LIPG: variants seen among roughly 807,000 people sequenced by gnomAD.
The protein encoded by LIPG is endothelial lipase.
In LIPG, 34 loss-of-function variants were observed where a neutral mutation model predicts 51.8. The ratio of observed to expected loss-of-function variants is 0.66; its 90% CI spans 0.50 to 0.87. The LOEUF (loss-of-function observed/expected upper bound fraction) is 0.87, where lower values mean the gene tolerates loss of function less well. LIPG is among the 40% of genes least tolerant of loss of function. The pLI is 0.00. For missense variants in LIPG, 580 were observed against 652.7 expected, an observed-to-expected ratio of 0.89 and a Z score of 1.21; for synonymous variants, 246 against 246.1, an observed-to-expected ratio of 1.00 and a Z score of 0.00.
At chr18:49,581,319 C>A in intron 5 of LIPG, 96 bp from the exon 6 acceptor site, 1 of 1,486,510 alleles carries the variant, frequency 6.7e-7, no homozygotes, top group Non-Finnish European at 9.4e-7. Flanking sequence ...CAACAATAAA[C>A]AGCTATCACT....
At chr18:49,572,376 C>T (rs2084673282) in intron 4 of LIPG, among the ~76,000 whole-genome samples, 1 of 151,916 alleles carries the variant, frequency 6.6e-6, no homozygotes, top group Non-Finnish European at 1.5e-5. Context: ...TCATATATGA[C>T]AGCTACTCTA....
At chr18:49,590,335 C>A in intron 9 of LIPG, 166 bp from the exon 10 acceptor site, 2 of 765,092 alleles carry the variant, frequency 2.6e-6, no homozygotes, top group Non-Finnish European at 4.5e-6. Flanking sequence ...GAGAAGGCAG[C>A]ACTCGGGACC....
intron 1 of LIPG, among the ~76,000 whole-genome samples, chr18:49,562,823 G>C (rs971512044): frequency 1.1e-4 from 16 of 152,342 alleles, no homozygotes; most frequent in African/African-American, 3.4e-4. Flanking sequence ...CTTGGTGTAG[G>C]TGTCTTGAAA....
At chr18:49,562,899 T>C (rs2084566511) in intron 1 of LIPG, among the ~76,000 whole-genome samples, 1 of 152,198 alleles carries the variant, frequency 6.6e-6, no homozygotes, top group Admixed American at 6.5e-5. Context: ...GGTGGGTCGC[T>C]TGTGCTTAGA....
rs2084933168 is a variant in LIPG, at chr18:49,590,676, G to C, written c.*154G>C. ...AACAACTGGTCTCCTGTGATGGCTG[G>C]GACTCCTCGCGGGAGGGGACTGCGC... On this transcript the variant is annotated 3_prime_UTR_variant, in exon 10 of 10. Transcript: ENST00000261292. 3.8e-6 allele frequency: 3 copies of C among 795,472 alleles called. No individual in the cohort carries two copies. The Admixed American group carries it at 6.0e-5, about 16-fold the overall frequency. 49.3% of individuals were successfully genotyped at this position (795,472 alleles called of 1,614,324 possible). A position where few individuals can be genotyped will look rare whatever the true frequency, so the allele number is the denominator to read the frequency against.
rs78750358 is a variant in LIPG, at chr18:49,570,921, T to C, written c.571+1373T>C. Among the ~76,000 whole-genome samples, 1,456 of 152,328 alleles carry C rather than the reference T, an allele frequency of 9.6e-3. 65 individuals are homozygous for C. Among genetic ancestry groups the C allele is most frequent in the Admixed American group, 0.071 (1,087 of 15,284 alleles). ...TTCAGATTTCAGTGACAAGCTGATA[T>C]GGTAGAATTTTAAAAAGAATATTTG... On this transcript the variant is annotated intron_variant, in intron 4 of 9. Coordinates refer to ENST00000261292, the MANE Select transcript of LIPG (RefSeq NM_006033.4).
intron 4 of LIPG, among the ~76,000 whole-genome samples, chr18:49,569,834 C>T (rs965999880): frequency 6.6e-6 from 1 of 152,114 alleles, no homozygotes; most frequent in African/African-American, 2.4e-5. Flanking sequence ...TGGGCGTTCC[C>T]CTTCCCTATA....
chr18:49,574,659 C>G (rs975950275), intron 4 of LIPG, among the ~76,000 whole-genome samples: 1 of 152,068 alleles, frequency 6.6e-6, no homozygotes, highest in African/African-American at 2.4e-5. Flanking sequence ...AACAAGCTCC[C>G]AATTTCAAAT....
chr18:49,565,653 C>T (rs565184079), intron 2 of LIPG, among the ~76,000 whole-genome samples, 155 bp downstream of exon 2: 2 of 152,240 alleles, frequency 1.3e-5, no homozygotes, highest in Admixed American at 6.5e-5. Flanking sequence ...AAGAATGTAA[C>T]GGGCATTCAC....
chr18:49,588,370 C>T (rs1355028036), intron 9 of LIPG, among the ~76,000 whole-genome samples: 2 of 151,734 alleles, frequency 1.3e-5, no homozygotes, highest in East Asian at 3.9e-4. Flanking sequence ...ACAACCTCCG[C>T]CTCCCGGGTC....
intron 5 of LIPG, among the ~76,000 whole-genome samples, chr18:49,580,070 T>C (rs2084802221): frequency 6.6e-6 from 1 of 152,174 alleles, no homozygotes; most frequent in Admixed American, 6.5e-5. Flanking sequence ...CACCTTGGCC[T>C]CCCAAAGTGC....
rs2084797432 is a variant in LIPG, at chr18:49,579,793, CTTTT to C, written c.794-1621_794-1618del. Among the ~76,000 whole-genome samples, 18 of 139,336 alleles carry C rather than the reference CTTTT, an allele frequency of 1.3e-4. 1 individual carries two copies. The highest frequency in any genetic ancestry group is 4.5e-4 in the African/African-American group (15 of 33,116). The allele number at this position is 139,336 out of a possible 152,430, so 91.4% of individuals were successfully genotyped here. A position where few individuals can be genotyped will look rare whatever the true frequency, so the allele number is the denominator to read the frequency against. On this transcript the variant is annotated intron_variant, in intron 5 of 9. Coordinates refer to ENST00000261292, the MANE Select transcript of LIPG (RefSeq NM_006033.4). Reference sequence around the variant, plus strand: ...CTTTTCTTTTCTTTTCTTTTCTTTTCTTTTCTTTTCTTTTCTTTTCTTTTCTTTA... The same window carrying C: ...CTTTTCTTTTCTTTTCTTTTCTTTTCCTTTTCTTTTCTTTTCTTTTCTTTA...
Position 49,595,937 on chromosome 18 carries a change from T to C in LIPG, c.*5415T>C, listed in dbSNP as rs2084980107. Reference sequence around the variant, plus strand: ...AGTCTTTGGGAAAGGAATGGATGGATGATGAGAAAGTAGGCTCATTTGACA... The same window carrying C: ...AGTCTTTGGGAAAGGAATGGATGGACGATGAGAAAGTAGGCTCATTTGACA... On this transcript the variant is annotated 3_prime_UTR_variant, in exon 10 of 10. Transcript: ENST00000261292. The C allele has an allele frequency of 6.6e-6, 1 of 152,204 alleles. No homozygotes were observed. Among genetic ancestry groups the C allele is most frequent in the Admixed American group, 6.5e-5 (1 of 15,286 alleles). 9.4% of individuals were successfully genotyped at this position (152,204 alleles called of 1,614,324 possible).
intron 8 of LIPG, among the ~76,000 whole-genome samples, chr18:49,584,798 G>A (rs1340693051): frequency 6.6e-6 from 1 of 152,184 alleles, no homozygotes; most frequent in Non-Finnish European, 1.5e-5. Context: ...ACCTATGGAT[G>A]TGAGAGCAGA....
In LIPG at chr18:49,562,366, G is replaced by A; in HGVS notation, c.58G>A (p.Gly20Arg). ...GAGCCTCTGCTATTGCTTTGCTGCG[G>A]GGAGCCCCGTACCTTTTGGTCCAGA... ...FWSLCYCFAA[G>R]SPVPFGPEGR... Residue 20 changes from glycine (G) to arginine (R), a missense_variant, in exon 1 of 10, where the codon GGG (glycine) becomes AGG (arginine). Physicochemically the swap from Gly to Arg is moderately radical, Grantham distance 125. Transcript: ENST00000261292. 1.2e-6 allele frequency: 2 copies of A among 1,613,962 alleles called. No individual in the cohort carries two copies. Among genetic ancestry groups the A allele is most frequent in the Non-Finnish European group, 1.7e-6 (2 of 1,180,034 alleles).
At chr18:49,589,126 G>A (rs1355498180) in intron 9 of LIPG, among the ~76,000 whole-genome samples, 6 of 152,136 alleles carry the variant, frequency 3.9e-5, no homozygotes, top group East Asian at 1.9e-4. Flanking sequence ...ATCACCTCGC[G>A]TCTGTCTGGG....
In LIPG at chr18:49,588,400, A is replaced by G. The variant is rs72642487; in HGVS notation, c.1481+1550A>G. 0.014 allele frequency among the ~76,000 whole-genome samples: 2,111 copies of G among 150,944 alleles called. 122 individuals are homozygous for G. The East Asian group carries it at 0.21, about 15-fold the overall frequency. ...CGGGTCCAAGTGATTCTCCTTCCTC[A>G]ACCTTCCGAGTAGCTGGGATTACAA... is the stretch of plus-strand genomic sequence containing the variant. On this transcript the variant is annotated intron_variant, in intron 9 of 9. Coordinates refer to ENST00000261292, the MANE Select transcript of LIPG (RefSeq NM_006033.4).
At chr18:49,561,796 G>A (rs944927465), upstream of LIPG, 1 of 1,256,536 alleles carries the variant, frequency 8.0e-7, no homozygotes, top group Non-Finnish European at 1.0e-6. Flanking sequence ...GGTGTCCGGA[G>A]GAGGGCAGTG....
Position 49,582,308 on chromosome 18 carries a change from C to G in LIPG, c.1037-54C>G, listed in dbSNP as rs535816268. On this transcript the variant is annotated intron_variant, in intron 6 of 9. Transcript: ENST00000261292. ...TGGTGACTCAGTTTGGGTCAGGGGT[C>G]TCCTGTGATGACAAGCAAGGGTTAC... 58 of 1,612,834 alleles carry G rather than the reference C, an allele frequency of 3.6e-5. No individual in the cohort carries two copies. In the Admixed American group the frequency reaches 6.2e-4, roughly 17 times the overall value.
Sources: gnomAD v4.1 joint callset for allele counts (sites outside exome capture counted in the v4.1 genomes callset) on GRCh38, gnomAD v4.1.1 for gene constraint, MANE v1.5 for transcripts, NCBI Gene and HGNC (gene_info 2026-07-23, HGNC 2026-07-21) for gene names.